The following GRIK1 variants were observed in gnomAD, a reference collection of about 807,000 sequenced individuals.
GRIK1 encodes the protein glutamate receptor ionotropic, kainate 1.
GRIK1 carries 69 observed loss-of-function variants against 105.7 expected under a neutral mutation model. That is an observed-to-expected ratio of 0.65 (90% CI 0.54 to 0.80). The LOEUF (loss-of-function observed/expected upper bound fraction) is 0.80, where lower values mean the gene tolerates loss of function less well. Among genes scored for constraint, GRIK1 ranks in the 30% least tolerant of loss-of-function variants. The pLI is 0.00. For missense variants in GRIK1, 1,109 were observed against 1,167.3 expected (o/e 0.95, Z 0.73); for synonymous variants, 438 against 431.3 (o/e 1.02, Z -0.19).
At chr21:29,572,205 A>G (rs930151422) in intron 14 of GRIK1, among the ~76,000 whole-genome samples, 2 of 152,196 alleles carry the variant, frequency 1.3e-5, no homozygotes, top group African/African-American at 4.8e-5. Context: ...ATCCAGCTTA[A>G]GAACCTGAGT....
intron 7 of GRIK1, among the ~76,000 whole-genome samples, chr21:29,627,037 AAT>A (rs1482983261): frequency 6.6e-6 from 1 of 152,216 alleles, no homozygotes. Context: ...AAGACAGGAA[AAT>A]ATGGTTTAAA....
At chr21:29,715,919 C>A (rs1266713666) in intron 1 of GRIK1, among the ~76,000 whole-genome samples, 3 of 151,960 alleles carry the variant, frequency 2.0e-5, no homozygotes, top group African/African-American at 4.8e-5. Context: ...TATGTCCCCA[C>A]CCATATCTCA....
intron 1 of GRIK1, among the ~76,000 whole-genome samples, chr21:29,912,438 G>A (rs2070850818): frequency 6.6e-6 from 1 of 151,940 alleles, no homozygotes. Context: ...TCTCTCATCA[G>A]TAAATACTCT....
intron 1 of GRIK1, among the ~76,000 whole-genome samples, chr21:29,932,183 C>A (rs1026563856): frequency 6.6e-5 from 10 of 152,086 alleles, no homozygotes; most frequent in Admixed American, 1.3e-4. Context: ...CACAACATGG[C>A]CTAATCTTTC....
At chr21:29,861,574 TGG>T in intron 1 of GRIK1, 4 of 206,024 alleles carry the variant, frequency 1.9e-5, no homozygotes, top group South Asian at 9.0e-5. Context: ...TCCCAAAGTG[TGG>T]GATTATAGGT....
Position 29,719,117 on chromosome 21 carries a change from A to G in GRIK1, c.119-25054T>C, listed in dbSNP as rs2064254231. 3.4e-5 allele frequency among the ~76,000 whole-genome samples: 5 copies of G among 146,570 alleles called. No homozygotes were observed. In the Admixed American group the frequency reaches 3.4e-4, roughly 10 times the overall value. ...ATATATATATGATTGGTGCAAAAGT[A>G]ATTGCAGTTTTGCCATTGAAAGTTA... is the stretch of plus-strand genomic sequence containing the variant. On this transcript the variant is annotated intron_variant, in intron 1 of 17. Transcript: ENST00000327783.
At chr21:29,822,312 G>A (rs1337213805) in intron 1 of GRIK1, among the ~76,000 whole-genome samples, 1 of 151,998 alleles carries the variant, frequency 6.6e-6, no homozygotes, top group Non-Finnish European at 1.5e-5. Context: ...TTGGCTTATG[G>A]GATGTAGTTT....
chr21:29,927,939 C>A (rs1282099986), intron 1 of GRIK1, among the ~76,000 whole-genome samples: 4 of 152,026 alleles, frequency 2.6e-5, no homozygotes, highest in Admixed American at 6.6e-5. Context: ...TATATACACA[C>A]ATATACATAT....
intron 3 of GRIK1, among the ~76,000 whole-genome samples, chr21:29,678,029 C>G (rs936856709): frequency 6.6e-6 from 1 of 152,136 alleles, no homozygotes; most frequent in African/African-American, 2.4e-5. Context: ...AGTCTTAATC[C>G]AATTTCCTGT....
intron 1 of GRIK1, among the ~76,000 whole-genome samples, chr21:29,926,641 G>A (rs926102046): frequency 5.3e-5 from 8 of 151,360 alleles, no homozygotes; most frequent in African/African-American, 1.9e-4. Flanking sequence ...ATAGTTTTTT[G>A]TATACATATA....
In GRIK1 at chr21:29,587,363, T is replaced by G; in HGVS notation, c.1793+3A>C. On this transcript the variant is annotated splice_donor_region_variant and intron_variant, in intron 12 of 17. Transcript: ENST00000327783. The stretch of plus-strand genomic sequence containing the variant: ...TTGTGAATTCAGTGATTCTCAAACT[T>G]ACCTTGCAATCACAAAGAGTACACA... The G allele has an allele frequency of 6.3e-7, 1 of 1,580,702 alleles. No homozygotes were observed. Among genetic ancestry groups the G allele is most frequent in the South Asian group, 1.1e-5 (1 of 90,396 alleles).
chr21:29,610,693 T>C (rs1478914132), intron 7 of GRIK1, among the ~76,000 whole-genome samples: 1 of 152,112 alleles, frequency 6.6e-6, no homozygotes, highest in African/African-American at 2.4e-5. Flanking sequence ...GCCAAAGCAG[T>C]AGGAGAATTA....
At chr21:29,921,337 C>G (rs753872782) in intron 1 of GRIK1, among the ~76,000 whole-genome samples, 179 of 152,070 alleles carry the variant, frequency 1.2e-3, no homozygotes, top group Non-Finnish European at 1.8e-3. Flanking sequence ...CAATATATTT[C>G]ACAGTAGAAA....
At chr21:29,783,490 T>C (rs2066179247) in intron 1 of GRIK1, among the ~76,000 whole-genome samples, 2 of 152,202 alleles carry the variant, frequency 1.3e-5, no homozygotes, top group South Asian at 4.1e-4. Context: ...AGTTTTCCTG[T>C]ATTTTTAGTT....
chr21:29,915,293 G>C (rs781032436), intron 1 of GRIK1, among the ~76,000 whole-genome samples: 23 of 151,924 alleles, frequency 1.5e-4, no homozygotes, highest in Non-Finnish European at 2.8e-4. Context: ...ACTAGAACTT[G>C]ATCTGGCATA....
chr21:29,812,992 C>T (rs543262178), intron 1 of GRIK1, among the ~76,000 whole-genome samples: 3 of 152,182 alleles, frequency 2.0e-5, no homozygotes, highest in East Asian at 1.9e-4. Flanking sequence ...GTACAGGAGA[C>T]GTTGCAGCCT....
At chr21:29,651,797 C>G (rs759336316) in intron 5 of GRIK1, among the ~76,000 whole-genome samples, 26 of 151,748 alleles carry the variant, frequency 1.7e-4, no homozygotes, top group Non-Finnish European at 3.7e-4. Flanking sequence ...TGGCACCATA[C>G]TAGATTTCAG....
intron 5 of GRIK1, among the ~76,000 whole-genome samples, chr21:29,653,337 G>A (rs2062781029): frequency 6.6e-6 from 1 of 152,170 alleles, no homozygotes; most frequent in African/African-American, 2.4e-5. Flanking sequence ...GCAAAATTAG[G>A]TTGTCCTACA....
chr21:29,847,679 AATG>A (rs575480582), intron 1 of GRIK1, among the ~76,000 whole-genome samples: 356 of 152,314 alleles, frequency 2.3e-3, no homozygotes, highest in African/African-American at 7.9e-3. Flanking sequence ...TCTTTGTTGC[AATG>A]GCTGGTTGTC....
Sources: allele counts gnomAD v4.1 joint callset (sites outside exome capture counted in the v4.1 genomes callset), GRCh38; gene constraint gnomAD v4.1.1; transcripts MANE v1.5; gene names NCBI Gene and HGNC (gene_info 2026-07-23, HGNC 2026-07-21).